The following MICAL2 variants were observed in gnomAD, a reference collection of about 807,000 sequenced individuals.
The protein encoded by MICAL2 is microtubule associated monooxygenase, calponin and LIM domain containing 2, also known as [F-actin]-monooxygenase MICAL2.
A neutral mutation model predicts 127.3 loss-of-function variants in MICAL2; 77 were observed. The ratio of observed to expected loss-of-function variants is 0.60; its 90% confidence interval spans 0.50 to 0.73. MICAL2 has a LOEUF of 0.73. MICAL2 is among the 30% of genes least tolerant of loss of function. The pLI is 0.00. For missense variants in MICAL2, 1,351 were observed against 1,434.4 expected, an observed-to-expected ratio of 0.94 and a Z score of 0.94; for synonymous variants, 570 against 551.1, an observed-to-expected ratio of 1.03 and a Z score of -0.48.
downstream of MICAL2, among the ~76,000 whole-genome samples, chr11:12,290,815 T>C (rs1453446420): frequency 6.6e-6 from 1 of 152,120 alleles, no homozygotes; most frequent in Non-Finnish European, 1.5e-5. Context: ...ATGTTCGCAT[T>C]GATGTATGGG....
intron 15 of MICAL2, among the ~76,000 whole-genome samples, chr11:12,231,837 C>T (rs552128691): frequency 3.9e-5 from 6 of 152,264 alleles, no homozygotes; most frequent in Non-Finnish European, 5.9e-5. Flanking sequence ...TCCAGGTGCG[C>T]GCAGGTCATG....
chr11:12,156,275 G>C (rs1316292386), intron 2 of MICAL2, among the ~76,000 whole-genome samples: 1 of 152,196 alleles, frequency 6.6e-6, no homozygotes, highest in East Asian at 1.9e-4. Context: ...GTTTCAGACA[G>C]CATGTATAAG....
chr11:12,314,539 C>A (rs1184936952), intron 29 of MICAL2, among the ~76,000 whole-genome samples: 1 of 151,686 alleles, frequency 6.6e-6, no homozygotes, highest in African/African-American at 2.4e-5. Flanking sequence ...AGTGCAGTGG[C>A]GCGATCTCGG....
In MICAL2 at chr11:12,258,575, T is replaced by A. The variant is rs748394064; in HGVS notation, c.3231+19T>A. ...AAGAGAGGTATGTTTGTCTCAAACATGCTGGTGAAACGGGGAAGGCCCCTT... is the reference window on the plus strand; with the variant it reads ...AAGAGAGGTATGTTTGTCTCAAACAAGCTGGTGAAACGGGGAAGGCCCCTT... On this transcript the variant is annotated intron_variant, in intron 25 of 27. Coordinates refer to ENST00000683283, the MANE Select transcript of MICAL2 (RefSeq NM_001282663.2). 8 of 1,607,704 alleles carry A rather than the reference T, an allele frequency of 5.0e-6. No homozygotes were observed. Among genetic ancestry groups the A allele is most frequent in the South Asian group, 1.1e-5 (1 of 91,006 alleles).
At chr11:12,317,266 G>A (rs927633003) in intron 29 of MICAL2, among the ~76,000 whole-genome samples, 1 of 152,050 alleles carries the variant, frequency 6.6e-6, no homozygotes, top group Non-Finnish European at 1.5e-5. Flanking sequence ...ACTGTGATCT[G>A]GAAAGACCCT....
At chr11:12,218,908 CT>C (rs1248972699) in intron 8 of MICAL2, among the ~76,000 whole-genome samples, 3 of 152,210 alleles carry the variant, frequency 2.0e-5, no homozygotes, top group African/African-American at 7.2e-5. Context: ...TAAGCCATAT[CT>C]GGAGCCAGCA....
chr11:12,148,883 T>C (rs1487938349), intron 2 of MICAL2, among the ~76,000 whole-genome samples: 3 of 152,192 alleles, frequency 2.0e-5, no homozygotes, highest in East Asian at 1.9e-4. Context: ...CAGCCAGGCG[T>C]CACTGTGTTT....
At chr11:12,218,590 C>A (rs989637885) in intron 8 of MICAL2, among the ~76,000 whole-genome samples, 1 of 152,184 alleles carries the variant, frequency 6.6e-6, no homozygotes, top group African/African-American at 2.4e-5. Flanking sequence ...CCCCATCTCA[C>A]CTCCACGCCT....
At chr11:12,270,829 A>C (rs961026034) in intron 24 of MICAL2, among the ~76,000 whole-genome samples, 1 of 152,228 alleles carries the variant, frequency 6.6e-6, no homozygotes, top group African/African-American at 2.4e-5. Context: ...TGGGGTTAAT[A>C]GCAGCACACA....
chr11:12,256,667 G>A, intron 23 of MICAL2, 118 bp from the exon 24 acceptor site: 1 of 958,296 alleles, frequency 1.0e-6, no homozygotes, highest in Non-Finnish European at 1.5e-6. Context: ...GGCAGTAGCA[G>A]GAAGCAGAAG....
chr11:12,351,221 C>T (rs192204122), intron 33 of MICAL2, among the ~76,000 whole-genome samples: 1 of 152,198 alleles, frequency 6.6e-6, no homozygotes, highest in Non-Finnish European at 1.5e-5. Context: ...ACCCACTACA[C>T]TAACCAACCC....
At chr11:12,318,297 G>C (rs1195941879) in intron 29 of MICAL2, among the ~76,000 whole-genome samples, 4 of 152,168 alleles carry the variant, frequency 2.6e-5, no homozygotes, top group Admixed American at 2.0e-4. Context: ...ATTACTCAGT[G>C]GTCATTTAGT....
At chr11:12,230,244 G>A (rs1858052573) in intron 15 of MICAL2, among the ~76,000 whole-genome samples, 1 of 152,180 alleles carries the variant, frequency 6.6e-6, no homozygotes, top group Non-Finnish European at 1.5e-5. Flanking sequence ...TTTCCCATTA[G>A]CAAAGAACAG....
rs770772091 is a variant in MICAL2 at position 12,259,919 on chromosome 11, G to A, written c.3334+22G>A. On this transcript the variant is annotated intron_variant, in intron 26 of 27. Coordinates refer to ENST00000683283, the MANE Select transcript of MICAL2 (RefSeq NM_001282663.2). ...CCAGGTATCTCCACCTCCTTCTTTA[G>A]GAAGGTGCTGGGCTGGCCCCTCAGG... The A allele has an allele frequency of 6.2e-6, 10 of 1,611,422 alleles. No individual in the cohort carries two copies. The East Asian group carries it at 2.2e-4, about 36-fold the overall frequency.
At chr11:12,238,695 G>A (rs903356794) in intron 16 of MICAL2, among the ~76,000 whole-genome samples, 27 of 152,142 alleles carry the variant, frequency 1.8e-4, no homozygotes, top group Non-Finnish European at 3.4e-4. Context: ...GATGCAATCC[G>A]AATAAAGTGT....
At chr11:12,226,741 C>G (rs1277492546) in intron 14 of MICAL2, among the ~76,000 whole-genome samples, 1 of 148,704 alleles carries the variant, frequency 6.7e-6, no homozygotes, top group East Asian at 2.0e-4. Flanking sequence ...CAAGCTCTGC[C>G]TCCTGGGTTC....
At chr11:12,303,389 T>A (rs1175626625) in intron 29 of MICAL2, 1 of 152,226 alleles carries the variant, frequency 6.6e-6, no homozygotes, top group Non-Finnish European at 1.5e-5. Context: ...GGAACTGAAT[T>A]TTTAATTTTT....
At position 12,227,121 on chromosome 11, in the gene MICAL2, G is replaced by A. The variant is rs1449841994; in HGVS notation, c.1985G>A (p.Arg662Lys). 2 of 1,612,444 alleles carry A rather than the reference G, an allele frequency of 1.2e-6. No homozygotes were observed. Among genetic ancestry groups the A allele is most frequent in the Admixed American group, 1.7e-5 (1 of 59,950 alleles). ...NYLNLTFPRK[R>K]TPRVDGQTGE... ...CTCAACCTCACATTTCCAAGGAAGAGGACTCCACGGGTAAGTTTTGGCCTG... is the reference window on the plus strand; with the variant it reads ...CTCAACCTCACATTTCCAAGGAAGAAGACTCCACGGGTAAGTTTTGGCCTG... Residue 662 changes from arginine (R) to lysine (K), a missense_variant, in exon 15 of 28, where the codon AGG becomes AAG. Arg to Lys is a conservative substitution (Grantham distance 26). Transcript: ENST00000683283.
At chr11:12,336,224 G>A (rs1376202285) in intron 32 of MICAL2, among the ~76,000 whole-genome samples, 1 of 152,098 alleles carries the variant, frequency 6.6e-6, no homozygotes, top group Non-Finnish European at 1.5e-5. Context: ...AGTTGTGAAT[G>A]GGAGTTCACT....
Sources: gnomAD v4.1 joint callset for allele counts (sites outside exome capture counted in the v4.1 genomes callset) on GRCh38, gnomAD v4.1.1 for gene constraint, MANE v1.5 for transcripts, NCBI Gene and HGNC (gene_info 2026-07-23, HGNC 2026-07-21) for gene names.